Variants in LGR4 observed in about 807,000 individuals in gnomAD.
LGR4 encodes leucine-rich repeat-containing G protein-coupled receptor 4.
Under a neutral mutation model 84.8 loss-of-function variants are expected in LGR4, and 44 were observed. That is an observed-to-expected ratio of 0.52 (90% CI 0.41 to 0.67). The LOEUF is 0.67. LGR4 is among the 30% of genes least tolerant of loss of function. The probability of loss-of-function intolerance (pLI) is 0.00; values close to 1 mark genes in which losing one functional copy is unlikely to be tolerated. For synonymous variants in LGR4, 429 were observed against 434.3 expected, an observed-to-expected ratio of 0.99 and a Z score of 0.15; for missense variants, 1,032 against 1,131.4, an observed-to-expected ratio of 0.91 and a Z score of 1.26.
intron 15 of LGR4, chr11:27,372,868 CT>C (rs34755558): frequency 0.39 from 60,090 of 153,850 alleles, 11,917 homozygotes; most frequent in African/African-American, 0.45. Flanking sequence ...TATTCTCTCT[CT>C]TTTTTTTAGA....
At chr11:27,468,385 G>A (rs568244498) in intron 1 of LGR4, among the ~76,000 whole-genome samples, 1 of 152,170 alleles carries the variant, frequency 6.6e-6, no homozygotes, top group South Asian at 2.1e-4. Flanking sequence ...AAACAACCAG[G>A]GCTATTCTAC....
At chr11:27,385,919 A>G (rs16916955) in intron 4 of LGR4, among the ~76,000 whole-genome samples, 10,685 of 152,124 alleles carry the variant, frequency 0.07, 671 homozygotes, top group African/African-American at 0.16. Context: ...CTGATTCTGT[A>G]CCAAAGAGAA....
At chr11:27,387,927 TAAA>T (rs1863216259) in intron 4 of LGR4, among the ~76,000 whole-genome samples, 1 of 152,174 alleles carries the variant, frequency 6.6e-6, no homozygotes, top group Non-Finnish European at 1.5e-5. Context: ...ATACAACCGT[TAAA>T]CTCTTGTGAA....
intron 16 of LGR4, 48 bp from the exon 17 acceptor site, chr11:27,371,746 A>G (rs1565068656): frequency 2.2e-6 from 3 of 1,381,096 alleles, no homozygotes; most frequent in Non-Finnish European, 3.1e-6. Context: ...TATGCAACTC[A>G]AAAGAACCAT....
In LGR4 at chr11:27,472,260, G is replaced by T; in HGVS notation, c.43C>A (p.Leu15Met). Residue 15 changes from leucine (L) to methionine (M), a missense_variant, in exon 1 of 18, where the codon CTG becomes ATG. By Grantham distance (15) the Leu-to-Met change is conservative. Transcript: ENST00000379214. ...CCGCTGGGCCCGGCCGAGCCGAGCAGCCCCAGGGCGAGGAAGCAGAGCAGC... is the reference window on the plus strand; with the variant it reads ...CCGCTGGGCCCGGCCGAGCCGAGCATCCCCAGGGCGAGGAAGCAGAGCAGC... Reference protein sequence around the residue: ...LGLLCFLALGLLGSAGPSGAA... With the variant: ...LGLLCFLALGMLGSAGPSGAA... The T allele has an allele frequency of 7.8e-7, 1 of 1,277,092 alleles. No individual in the cohort carries two copies. The highest frequency in any genetic ancestry group is 2.5e-5 in the South Asian group (1 of 39,682). 79.1% of individuals were successfully genotyped at this position (1,277,092 alleles called of 1,614,324 possible). A position where few individuals can be genotyped will look rare whatever the true frequency, so the allele number is the denominator to read the frequency against.
At chr11:27,434,524 A>C (rs1242269340) in intron 1 of LGR4, among the ~76,000 whole-genome samples, 3 of 152,196 alleles carry the variant, frequency 2.0e-5, no homozygotes, top group Non-Finnish European at 4.4e-5. Context: ...CTGAACTGGG[A>C]AGCTAACTGT....
chr11:27,463,067 C>CACAA (rs1382970872), intron 1 of LGR4, among the ~76,000 whole-genome samples: 3 of 51,036 alleles, frequency 5.9e-5, no homozygotes, highest in Non-Finnish European at 9.4e-5. Context: ...ACCCTGTCTC[C>CACAA]AAAAAAAAAA....
intron 1 of LGR4, among the ~76,000 whole-genome samples, chr11:27,446,127 GTTGT>G (rs1207955754): frequency 6.6e-6 from 1 of 152,138 alleles, no homozygotes; most frequent in African/African-American, 2.4e-5. Context: ...TAAAAATGGG[GTTGT>G]TTGATTTTTT....
intron 1 of LGR4, among the ~76,000 whole-genome samples, chr11:27,440,184 G>A (rs1864281920): frequency 6.6e-6 from 1 of 152,076 alleles, no homozygotes; most frequent in South Asian, 2.1e-4. Context: ...GGGATTACAG[G>A]CGTGAGCCAC....
intron 4 of LGR4, 130 bp downstream of exon 4, chr11:27,390,964 T>C (rs1457784310): frequency 3.4e-6 from 2 of 581,128 alleles, no homozygotes; most frequent in Middle Eastern, 3.1e-4. Flanking sequence ...TTTGATAACA[T>C]TGACTAGCTA....
intron 1 of LGR4, among the ~76,000 whole-genome samples, chr11:27,452,625 T>TTG (rs1311288431): frequency 1.8e-5 from 2 of 112,988 alleles, no homozygotes; most frequent in African/African-American, 8.9e-5. Context: ...CTTTTTGAGT[T>TTG]TTTTTTTTTT....
intron 4 of LGR4, among the ~76,000 whole-genome samples, chr11:27,386,373 C>T (rs575641708): frequency 6.6e-5 from 10 of 152,230 alleles, no homozygotes; most frequent in Non-Finnish European, 1.2e-4. Flanking sequence ...AGGGACACTA[C>T]GTGCCAGGCA....
At chr11:27,446,126 G>C (rs1864385097) in intron 1 of LGR4, among the ~76,000 whole-genome samples, 1 of 152,060 alleles carries the variant, frequency 6.6e-6, no homozygotes. Context: ...TTAAAAATGG[G>C]GTTGTTTGAT....
At chr11:27,430,770 T>A (rs1363230028) in intron 1 of LGR4, among the ~76,000 whole-genome samples, 1 of 152,144 alleles carries the variant, frequency 6.6e-6, no homozygotes, top group Non-Finnish European at 1.5e-5. Context: ...AGCAATCTTT[T>A]TAAAACAAGA....
chr11:27,371,474 A>G (rs1484221892), intron 17 of LGR4, 141 bp downstream of exon 17: 1 of 538,138 alleles, frequency 1.9e-6, no homozygotes, highest in Non-Finnish European at 3.2e-6. Flanking sequence ...GCTGGTACGC[A>G]AAGCACAAAA....
At chr11:27,439,877 G>GGTT (rs1408318115) in intron 1 of LGR4, among the ~76,000 whole-genome samples, 14 of 149,760 alleles carry the variant, frequency 9.3e-5, no homozygotes, top group East Asian at 1.9e-4. Flanking sequence ...GTCACTCTCT[G>GGTT]GTTTTCCTTG....
At chr11:27,446,933 G>A (rs1046341855) in intron 1 of LGR4, among the ~76,000 whole-genome samples, 2 of 151,870 alleles carry the variant, frequency 1.3e-5, no homozygotes, top group African/African-American at 2.4e-5. Flanking sequence ...ACTATCGCAA[G>A]GACAGAAAAC....
chr11:27,408,813 T>C (rs1026281453), intron 2 of LGR4, among the ~76,000 whole-genome samples: 3 of 152,160 alleles, frequency 2.0e-5, no homozygotes, highest in East Asian at 1.9e-4. Flanking sequence ...CACGGCGACA[T>C]AGCATTTTAT....
chr11:27,381,140 T>C (rs1863085116), intron 7 of LGR4, among the ~76,000 whole-genome samples, 174 bp from the exon 8 acceptor site: 1 of 152,208 alleles, frequency 6.6e-6, no homozygotes. Flanking sequence ...TTCAGTATCA[T>C]ACCTAATTCT....
Sources: allele counts gnomAD v4.1 joint callset (sites outside exome capture counted in the v4.1 genomes callset), GRCh38; gene constraint gnomAD v4.1.1; transcripts MANE v1.5; gene names NCBI Gene and HGNC (gene_info 2026-07-23, HGNC 2026-07-21).